PPM1E: variants seen among roughly 807,000 people sequenced by gnomAD.
PPM1E encodes protein phosphatase, Mg2+/Mn2+ dependent 1E.
A neutral mutation model predicts 65.9 loss-of-function variants in PPM1E; 20 were observed. The ratio of observed to expected loss-of-function variants is 0.30; its 90% CI spans 0.21 to 0.44. The LOEUF (loss-of-function observed/expected upper bound fraction) is 0.44, where lower values mean the gene tolerates loss of function less well. Ranked by LOEUF, PPM1E falls within the 20% of genes least tolerant of loss-of-function variation. The probability of loss-of-function intolerance (pLI) is 1.00; values close to 1 mark genes in which losing one functional copy is unlikely to be tolerated. For missense variants in PPM1E, 713 were observed against 953.1 expected, an observed-to-expected ratio of 0.75 and a Z score of 3.32; for synonymous variants, 352 against 374.9, an observed-to-expected ratio of 0.94 and a Z score of 0.70.
At chr17:58,857,285 G>C (rs2050893480) in intron 1 of PPM1E, among the ~76,000 whole-genome samples, 2 of 151,808 alleles carry the variant, frequency 1.3e-5, no homozygotes, top group South Asian at 4.2e-4. Context: ...TTGAATCACT[G>C]AGGTTGTTTT....
chr17:58,980,431 C>T lies in PPM1E; in HGVS notation c.1668C>T (p.Ser556=), dbSNP rs1175856261. The T allele has an allele frequency of 6.2e-7, 1 of 1,614,090 alleles. No individual in the cohort carries two copies. Among genetic ancestry groups the T allele is most frequent in the Non-Finnish European group, 8.5e-7 (1 of 1,180,010 alleles). ...VDSFTDRTSL[S]PGSQINVLED... ...CATTCACTGATAGAACTAGCCTGAG[C>T]CCAGGGTCCCAAATCAACGTGCTGG... Residue 556 remains serine, a synonymous_variant, in exon 7 of 7, where the codon AGC becomes AGT. Coordinates refer to ENST00000308249, the MANE Select transcript of PPM1E (RefSeq NM_014906.5). The surrounding 1 kb of genome is among the most constrained non-coding windows in gnomAD (Gnocchi z 4.7).
At chr17:58,972,100 A>C in intron 4 of PPM1E, 32 bp from the exon 5 acceptor site, 3 of 1,587,998 alleles carry the variant, frequency 1.9e-6, no homozygotes, top group Non-Finnish European at 2.6e-6. Context: ...ATTTCTTTTC[A>C]CTGAGTCTAG....
chr17:58,958,993 G>A (rs560246914), intron 2 of PPM1E, among the ~76,000 whole-genome samples: 7 of 152,068 alleles, frequency 4.6e-5, no homozygotes, highest in African/African-American at 1.2e-4. Context: ...AATGAGAGAC[G>A]AGTCTTAGTT....
At chr17:58,877,547 A>G (rs2051141881) in intron 1 of PPM1E, among the ~76,000 whole-genome samples, 1 of 152,120 alleles carries the variant, frequency 6.6e-6, no homozygotes, top group South Asian at 2.1e-4. Flanking sequence ...AATTTTTGAT[A>G]TATTTTTTCC....
intron 1 of PPM1E, among the ~76,000 whole-genome samples, chr17:58,789,352 T>C (rs2050133909): frequency 1.3e-5 from 2 of 152,238 alleles, no homozygotes; most frequent in Non-Finnish European, 2.9e-5. Context: ...GTTATTCATC[T>C]ATTTCTGTCA....
intron 1 of PPM1E, among the ~76,000 whole-genome samples, chr17:58,931,382 A>G (rs900440115): frequency 6.6e-6 from 1 of 150,870 alleles, no homozygotes; most frequent in African/African-American, 2.4e-5. Context: ...GTGAAACTAC[A>G]TCACAAAAAA....
At position 58,756,155 on chromosome 17, in the gene PPM1E, T is replaced by A. The variant is rs1301593557; in HGVS notation, c.158T>A (p.Leu53Gln). 1 of 1,590,680 alleles carries A rather than the reference T, an allele frequency of 6.3e-7. No homozygotes were observed. The highest frequency in any genetic ancestry group is 8.6e-7 in the Non-Finnish European group (1 of 1,168,824). ...PESEPEPEPE[L>Q]VEAEAAEASV... is the part of the protein sequence containing the mutation. ...TCCGAGCCCGAGCCCGAACCTGAAC[T>A]GGTAGAAGCTGAGGCGGCCGAGGCT... Residue 53 changes from leucine to glutamine, a missense_variant, in exon 1 of 7, where the codon CTG becomes CAG. By Grantham distance (113) the Leu-to-Gln change is moderately radical. This residue lies in a region of PPM1E where 212 missense variants were observed against 204.0 expected (regional missense o/e 1.04). Coordinates refer to ENST00000308249, the MANE Select transcript of PPM1E (RefSeq NM_014906.5).
At chr17:58,837,332 T>TACACAC (rs59797345) in intron 1 of PPM1E, among the ~76,000 whole-genome samples, 7 of 131,418 alleles carry the variant, frequency 5.3e-5, no homozygotes, top group East Asian at 2.3e-4. Context: ...CACACACACA[T>TACACAC]ACACACACAC....
At chr17:58,837,778 A>T (rs1232989967) in intron 1 of PPM1E, among the ~76,000 whole-genome samples, 1 of 152,208 alleles carries the variant, frequency 6.6e-6, no homozygotes, top group Non-Finnish European at 1.5e-5. Flanking sequence ...GATTACAGGC[A>T]TGAGCCACCA....
intron 1 of PPM1E, among the ~76,000 whole-genome samples, chr17:58,943,224 T>G (rs1052020498): frequency 6.6e-6 from 1 of 151,902 alleles, no homozygotes; most frequent in African/African-American, 2.4e-5. Context: ...AATCTCCATT[T>G]CTCTTCTTCG....
intron 1 of PPM1E, among the ~76,000 whole-genome samples, chr17:58,870,542 T>G (rs1315866042): frequency 6.6e-6 from 1 of 152,202 alleles, no homozygotes; most frequent in African/African-American, 2.4e-5. Flanking sequence ...TGTGTACCGA[T>G]GCTTAGCTCC....
At chr17:58,906,388 G>A (rs965884608) in intron 1 of PPM1E, among the ~76,000 whole-genome samples, 1 of 152,150 alleles carries the variant, frequency 6.6e-6, no homozygotes, top group Non-Finnish European at 1.5e-5. Context: ...ACCCAGGCTG[G>A]AGTGCAGTGG....
chr17:58,956,162 C>T (rs112376058), intron 2 of PPM1E, among the ~76,000 whole-genome samples: 5,223 of 152,134 alleles, frequency 0.034, 240 homozygotes, highest in African/African-American at 0.11. Flanking sequence ...TTAGGCCAGG[C>T]GCAGTGGCTC....
At chr17:58,768,867 C>T (rs2049908186) in intron 1 of PPM1E, among the ~76,000 whole-genome samples, 3 of 152,070 alleles carry the variant, frequency 2.0e-5, no homozygotes, top group Admixed American at 2.0e-4. Flanking sequence ...CAGGGTTTCT[C>T]CATGTTGGTC....
chr17:58,756,063 T>C lies in PPM1E; in HGVS notation c.66T>C (p.Phe22=). The C allele has an allele frequency of 6.2e-7, 1 of 1,613,724 alleles. No homozygotes were observed. Among genetic ancestry groups the C allele is most frequent in the Non-Finnish European group, 8.5e-7 (1 of 1,179,874 alleles). The change falls in exon 1 of 7, where the codon TTT becomes TTC. Residue 22 remains phenylalanine (F), a synonymous_variant. Transcript: ENST00000308249. ...TCCTGGAGCTATTCCTGGGCGAGTT[T>C]CGCGGACCGTGCGGCGGCGGCGAGC... ...RRFLELFLGE[F]RGPCGGGEPE...
intron 1 of PPM1E, among the ~76,000 whole-genome samples, chr17:58,940,882 T>C (rs769304268): frequency 3.9e-5 from 6 of 152,228 alleles, no homozygotes; most frequent in Non-Finnish European, 8.8e-5. Flanking sequence ...GGCTAATTTT[T>C]GTATTTTTAG....
intron 1 of PPM1E, 76 bp downstream of exon 1, chr17:58,756,537 CCTCAAACTG>C: frequency 8.0e-7 from 1 of 1,246,088 alleles, no homozygotes; most frequent in East Asian, 3.2e-5. Flanking sequence ...TCCCTCGGCC[CCTCAAACTG>C]CTCTCTTTTC....
At chr17:58,785,378 T>A (rs2050088763) in intron 1 of PPM1E, 1 of 146,924 alleles carries the variant, frequency 6.8e-6, no homozygotes, top group Admixed American at 6.8e-5. Flanking sequence ...TAATCATAGT[T>A]CACTGCAATC....
At chr17:58,782,057 T>C (rs2050055728) in intron 1 of PPM1E, among the ~76,000 whole-genome samples, 1 of 152,152 alleles carries the variant, frequency 6.6e-6, no homozygotes, top group South Asian at 2.1e-4. Flanking sequence ...GTACTGTTGC[T>C]CTGCATCTAT....
Sources: allele counts gnomAD v4.1 joint callset (sites outside exome capture counted in the v4.1 genomes callset), GRCh38; gene constraint gnomAD v4.1.1; regional missense constraint gnomAD v4.1.1; non-coding constraint Gnocchi (gnomAD v3.1); transcripts MANE v1.5; gene names NCBI Gene and HGNC (gene_info 2026-07-23, HGNC 2026-07-21).